The following RRM2B variants were observed in gnomAD, a reference collection of about 807,000 sequenced individuals.
RRM2B encodes ribonucleoside-diphosphate reductase subunit M2 B.
In RRM2B, 20 loss-of-function variants were observed where a neutral mutation model predicts 45.9. The observed-to-expected ratio is 0.44, with a 90% CI of 0.31 to 0.63. The LOEUF is 0.63. RRM2B is among the 30% of genes least tolerant of loss of function. The pLI, the probability that RRM2B is intolerant of heterozygous loss-of-function variation, is 0.09. For missense variants in RRM2B, 320 were observed against 414.7 expected, an observed-to-expected ratio of 0.77 and a Z score of 1.98; for synonymous variants, 124 against 132.3, an observed-to-expected ratio of 0.94 and a Z score of 0.43.
chr8:102,220,837 G>A (rs1337971244), intron 5 of RRM2B, among the ~76,000 whole-genome samples: 1 of 152,140 alleles, frequency 6.6e-6, no homozygotes, highest in Non-Finnish European at 1.5e-5. Context: ...GAAGATTAAA[G>A]GATTATAAGT....
At position 102,208,022 on chromosome 8, in the gene RRM2B, G is replaced by T; in HGVS notation, c.*111C>A. On this transcript the variant is annotated 3_prime_UTR_variant, in exon 9 of 9. Coordinates refer to ENST00000251810, the MANE Select transcript of RRM2B (RefSeq NM_015713.5). Reference sequence around the variant, plus strand: ...TAGAATAGGTTTTGGATTTCCTTTTGAGCAAACCCCCAGTCCTTTAAAGGA... The same window carrying T: ...TAGAATAGGTTTTGGATTTCCTTTTTAGCAAACCCCCAGTCCTTTAAAGGA... 1 of 849,880 alleles carries T rather than the reference G, an allele frequency of 1.2e-6. No individual in the cohort carries two copies. Among genetic ancestry groups the T allele is most frequent in the Non-Finnish European group, 1.9e-6 (1 of 528,568 alleles). The allele number at this position is 849,880 out of a possible 1,614,324, so 52.6% of individuals were successfully genotyped here.
At chr8:102,238,541 C>A in intron 1 of RRM2B, 1 of 1,492,928 alleles carries the variant, frequency 6.7e-7, no homozygotes, top group South Asian at 1.2e-5. Context: ...GGCGGATAAA[C>A]GCAGGGGTAA....
At chr8:102,234,509 T>C (rs1811084813) in intron 1 of RRM2B, among the ~76,000 whole-genome samples, 1 of 152,056 alleles carries the variant, frequency 6.6e-6, no homozygotes, top group Non-Finnish European at 1.5e-5. Flanking sequence ...GTACCCTCTG[T>C]GGACCTAATC....
Position 102,207,913 on chromosome 8 carries a change from C to A in RRM2B, c.*220G>T. 1 of 493,912 alleles carries A rather than the reference C, an allele frequency of 2.0e-6. No homozygotes were observed. The highest frequency in any genetic ancestry group is 3.6e-6 in the Non-Finnish European group (1 of 275,554). The allele number at this position is 493,912 out of a possible 1,614,324, so 30.6% of individuals were successfully genotyped here. On this transcript the variant is annotated 3_prime_UTR_variant, in exon 9 of 9. Transcript: ENST00000251810. ...CCCCATGCTCTTAACCACATAATGC[C>A]ATCTTTTATTTCAGTGACAAGACAA...
intron 4 of RRM2B, 114 bp downstream of exon 4, chr8:102,224,771 T>A: frequency 9.2e-7 from 1 of 1,084,780 alleles, no homozygotes; most frequent in East Asian, 2.5e-5. Context: ...AATATTATGC[T>A]CAGAAACTTC....
chr8:102,209,410 A>T (rs1810598634), intron 8 of RRM2B, among the ~76,000 whole-genome samples: 1 of 152,186 alleles, frequency 6.6e-6, no homozygotes, highest in African/African-American at 2.4e-5. Context: ...TCCATTAGAG[A>T]CATGCAAATC....
intron 8 of RRM2B, among the ~76,000 whole-genome samples, chr8:102,211,436 G>GA (rs1810634441): frequency 6.6e-6 from 1 of 152,142 alleles, no homozygotes; most frequent in South Asian, 2.1e-4. Context: ...GAAGCCTGTG[G>GA]AAAAACAAAG....
At chr8:102,209,177 T>C (rs1368353746) in intron 8 of RRM2B, among the ~76,000 whole-genome samples, 3 of 151,870 alleles carry the variant, frequency 2.0e-5, no homozygotes, top group African/African-American at 7.3e-5. Flanking sequence ...AGAAGCAGAC[T>C]TGGAGATACA....
intron 6 of RRM2B, among the ~76,000 whole-genome samples, chr8:102,215,347 CTGCAG>C (rs1563661109): frequency 6.6e-6 from 1 of 151,412 alleles, no homozygotes; most frequent in Non-Finnish European, 1.5e-5. Flanking sequence ...GAGGTCAAGG[CTGCAG>C]TGAGCTGAGA....
At chr8:102,230,897 CAG>C in intron 2 of RRM2B, among the ~76,000 whole-genome samples, 1 of 152,146 alleles carries the variant, frequency 6.6e-6, no homozygotes, top group East Asian at 1.9e-4. Flanking sequence ...TGAGGATACA[CAG>C]AGAGGTTATG....
At chr8:102,236,338 A>G (rs1193289434) in intron 1 of RRM2B, among the ~76,000 whole-genome samples, 1 of 152,158 alleles carries the variant, frequency 6.6e-6, no homozygotes, top group Non-Finnish European at 1.5e-5. Context: ...ATAGTCATGG[A>G]GAGTTTCTGA....
At chr8:102,235,437 A>C (rs1811102539) in intron 1 of RRM2B, among the ~76,000 whole-genome samples, 1 of 152,230 alleles carries the variant, frequency 6.6e-6, no homozygotes, top group South Asian at 2.1e-4. Context: ...TTTGCTTCTC[A>C]CATTAGATGT....
At chr8:102,216,929 A>G (rs944472735) in intron 6 of RRM2B, among the ~76,000 whole-genome samples, 1 of 151,922 alleles carries the variant, frequency 6.6e-6, no homozygotes, top group Non-Finnish European at 1.5e-5. Flanking sequence ...AAATTACTGG[A>G]AAAAAAATCT....
chr8:102,230,210 G>A lies in RRM2B; in HGVS notation c.204+1939C>T, dbSNP rs1811004620. ...AGAATTAAGCTCAACCATTTAAGCTGACTAAATGGTAACTTACATAATTTG... is the reference window on the plus strand; with the variant it reads ...AGAATTAAGCTCAACCATTTAAGCTAACTAAATGGTAACTTACATAATTTG... On this transcript the variant is annotated intron_variant, in intron 2 of 8. Coordinates refer to ENST00000251810, the MANE Select transcript of RRM2B (RefSeq NM_015713.5). Among the ~76,000 whole-genome samples the A allele has an allele frequency of 2.6e-5, 4 of 152,182 alleles. No homozygotes were observed. In the South Asian group the frequency reaches 8.3e-4, roughly 32 times the overall value.
At position 102,207,008 on chromosome 8, in the gene RRM2B, G is replaced by A. The variant is rs769066939; in HGVS notation, c.*1125C>T. On this transcript the variant is annotated 3_prime_UTR_variant, in exon 9 of 9. Coordinates refer to ENST00000251810, the MANE Select transcript of RRM2B (RefSeq NM_015713.5). Reference sequence around the variant, plus strand: ...TCCCTACCATGTTCTCCCTTTCTCAGTCCATAAGCCCTTCCTCTATGTATA... The same window carrying A: ...TCCCTACCATGTTCTCCCTTTCTCAATCCATAAGCCCTTCCTCTATGTATA... 4 of 152,126 alleles carry A rather than the reference G, an allele frequency of 2.6e-5. No homozygotes were observed. The highest frequency in any genetic ancestry group is 4.8e-5 in the African/African-American group (2 of 41,410). 9.4% of individuals were successfully genotyped at this position (152,126 alleles called of 1,614,324 possible). A position where few individuals can be genotyped will look rare whatever the true frequency, so the allele number is the denominator to read the frequency against.
chr8:102,233,125 G>A (rs1269822265), intron 1 of RRM2B, among the ~76,000 whole-genome samples: 1 of 152,178 alleles, frequency 6.6e-6, no homozygotes, highest in Non-Finnish European at 1.5e-5. Context: ...TATAAACCAG[G>A]ATTAGAACAC....
Position 102,214,766 on chromosome 8 carries a change from AAAATAAATAAAT to A in RRM2B, c.685-620_685-609del, listed in dbSNP as rs28928604. ...ACCCAATCTCTACAAAAAAAAATAAAAAATAAATAAATAAATAAATAAATAGAAGTAAATAAA... is the reference window on the plus strand; with the variant it reads ...ACCCAATCTCTACAAAAAAAAATAAAAAATAAATAAATAGAAGTAAATAAA... On this transcript the variant is annotated intron_variant, in intron 6 of 8. Coordinates refer to ENST00000251810, the MANE Select transcript of RRM2B (RefSeq NM_015713.5). 6.0e-5 allele frequency among the ~76,000 whole-genome samples: 9 copies of A among 150,026 alleles called. No individual in the cohort carries two copies. The South Asian group carries it at 1.0e-3, about 17-fold the overall frequency.
intron 1 of RRM2B, among the ~76,000 whole-genome samples, chr8:102,233,643 G>A (rs1464956556): frequency 1.3e-5 from 2 of 152,114 alleles, no homozygotes; most frequent in Admixed American, 6.6e-5. Context: ...TCACCCCAAA[G>A]GTCTGGGTTA....
chr8:102,217,128 C>CA (rs1160226609), intron 6 of RRM2B, among the ~76,000 whole-genome samples: 6 of 151,968 alleles, frequency 3.9e-5, no homozygotes, highest in Non-Finnish European at 8.8e-5. Flanking sequence ...ATGATTCATT[C>CA]ATTAGATTAT....
Sources: gnomAD v4.1 joint callset for allele counts (sites outside exome capture counted in the v4.1 genomes callset) on GRCh38, gnomAD v4.1.1 for gene constraint, MANE v1.5 for transcripts, NCBI Gene and HGNC (gene_info 2026-07-23, HGNC 2026-07-21) for gene names.